Variants in TTC7A observed in about 807,000 individuals in gnomAD.
The protein encoded by TTC7A is tetratricopeptide repeat protein 7A.
TTC7A carries 110 observed loss-of-function variants against 103.7 expected under a neutral mutation model. That is an observed-to-expected ratio of 1.06 (90% CI 0.91 to 1.24). TTC7A has a LOEUF of 1.24. Ranked by LOEUF, TTC7A falls within the 50% of genes most tolerant of loss-of-function variation. TTC7A has a pLI of 0.00. For synonymous variants in TTC7A, 521 were observed against 467.9 expected (o/e 1.11, Z -1.47); for missense variants, 1,340 against 1,116.3 (o/e 1.20, Z -2.86).
At position 46,941,591 on chromosome 2, in the gene TTC7A, T is replaced by C. The variant is rs1460831020; in HGVS notation, c.50T>C (p.Leu17Pro). The C allele has an allele frequency of 1.9e-6, 3 of 1,557,240 alleles. No homozygotes were observed. The highest frequency in any genetic ancestry group is 2.7e-5 in the African/African-American group (2 of 73,382). ...TCCTACCTGAAGGTGGAGAGCGAGC[T>C]GGAGCGCTGCCGCGCCGAGGGCCAC... ...HGSYLKVESE[L>P]ERCRAEGHWD... Residue 17 changes from leucine to proline, a missense_variant, in exon 1 of 20, where the codon CTG becomes CCG. Transcript: ENST00000319190. This position sits in a 1 kb window ranked among gnomAD's most constrained non-coding sequence, Gnocchi z 4.2.
chr2:46,972,710 G>A (rs1266719321), intron 3 of TTC7A, among the ~76,000 whole-genome samples: 1 of 152,254 alleles, frequency 6.6e-6, no homozygotes, highest in Admixed American at 6.5e-5. Context: ...AGAGACCTGA[G>A]CATGGGTAAC....
chr2:46,993,641 G>C, intron 6 of TTC7A, 113 bp downstream of exon 6: 6 of 942,426 alleles, frequency 6.4e-6, no homozygotes, highest in Non-Finnish European at 1.0e-5. Flanking sequence ...TCTCCTGCCT[G>C]CTTGTGGCAG....
chr2:46,956,927 G>A lies in TTC7A; in HGVS notation c.437G>A (p.Arg146Gln), dbSNP rs61746139. ...SYRDAISMYA[R>Q]AGIDDMSMEN... is the part of the protein sequence containing the mutation. ...CGAGATGCCATCAGCATGTACGCAC[G>A]GGCCGGGATTGATGACATGTCCATG... Residue 146 changes from arginine (R) to glutamine (Q), a missense_variant, in exon 3 of 20, where the codon CGG becomes CAG. Coordinates refer to ENST00000319190, the MANE Select transcript of TTC7A (RefSeq NM_020458.4). 4.6e-4 allele frequency: 742 copies of A among 1,614,206 alleles called. 9 individuals are homozygous for A. The East Asian group carries it at 0.012, about 26-fold the overall frequency.
At chr2:46,960,254 G>A (rs2241736) in intron 3 of TTC7A, among the ~76,000 whole-genome samples, 39,693 of 152,160 alleles carry the variant, frequency 0.26, 6,151 homozygotes, top group East Asian at 0.47. Flanking sequence ...ATATTGACCT[G>A]TTGCTCAGTA....
rs931772453 is a variant in TTC7A, at chr2:47,075,249, C to T, written c.*1326C>T. The T allele has an allele frequency of 2.6e-5, 4 of 152,162 alleles. No individual in the cohort carries two copies. Among genetic ancestry groups the T allele is most frequent in the African/African-American group, 9.7e-5 (4 of 41,440 alleles). 9.4% of individuals were successfully genotyped at this position (152,162 alleles called of 1,614,324 possible). On this transcript the variant is annotated 3_prime_UTR_variant, in exon 20 of 20. Transcript: ENST00000319190. ...AGGGGCACCACAGAGGACCCTGGAT[C>T]CTTTGCCTCTTCTTGGTTGAAGGAT...
At chr2:46,940,185 G>C (rs1204984763), upstream of TTC7A, among the ~76,000 whole-genome samples, 3 of 152,066 alleles carry the variant, frequency 2.0e-5, no homozygotes, top group Non-Finnish European at 2.9e-5. The surrounding 1 kb of genome is among the most constrained non-coding windows in gnomAD (Gnocchi z 4.7). Flanking sequence ...GGTTACAGTT[G>C]TCCAAAAACA....
chr2:47,026,302 C>T (rs1035853100), intron 14 of TTC7A, among the ~76,000 whole-genome samples: 14 of 152,228 alleles, frequency 9.2e-5, no homozygotes, highest in African/African-American at 3.1e-4. Flanking sequence ...GTCACCAGCA[C>T]AGGAGCAGCC....
At position 47,073,500 on chromosome 2, in the gene TTC7A, G is replaced by A. The variant is rs78575079; in HGVS notation, c.2356-202G>A. On this transcript the variant is annotated intron_variant, in intron 19 of 19. Transcript: ENST00000319190. ...CCTGCAGTGGGTTTCCCAGGAGGCT[G>A]GGGTTAAAGCAGGGCTTGGGCAGGG... 0.013 allele frequency among the ~76,000 whole-genome samples: 2,022 copies of A among 152,260 alleles called. 184 individuals are homozygous for A. The East Asian group carries it at 0.25, about 19-fold the overall frequency.
At chr2:46,966,625 A>G (rs1672873044) in intron 3 of TTC7A, among the ~76,000 whole-genome samples, 1 of 150,520 alleles carries the variant, frequency 6.6e-6, no homozygotes, top group South Asian at 2.1e-4. Flanking sequence ...TAATACTGAA[A>G]TGGATATCCT....
chr2:46,968,936 T>G (rs1392392496), intron 3 of TTC7A, among the ~76,000 whole-genome samples: 76 of 14,452 alleles, frequency 5.3e-3, no homozygotes, highest in Middle Eastern at 0.1. Context: ...GTTTTTGTGT[T>G]TTTTTTTTTT....
At chr2:46,931,332 C>A (rs564624838) in intron 2 of TTC7A, among the ~76,000 whole-genome samples, 1 of 152,254 alleles carries the variant, frequency 6.6e-6, no homozygotes, top group Non-Finnish European at 1.5e-5. Context: ...GCAATCCTCT[C>A]GCCTCAGCTT....
At chr2:47,000,138 A>T (rs72806571) in intron 8 of TTC7A, among the ~76,000 whole-genome samples, 1 of 152,140 alleles carries the variant, frequency 6.6e-6, no homozygotes. Flanking sequence ...TGGTTGTTCA[A>T]TATGTCCTGA....
chr2:47,004,241 C>G (rs1677142544), intron 8 of TTC7A, among the ~76,000 whole-genome samples: 1 of 152,250 alleles, frequency 6.6e-6, no homozygotes, highest in African/African-American at 2.4e-5. Context: ...GGCCACCAGT[C>G]TCTCAGTGAC....
chr2:46,922,856 G>A (rs147995703), intron 2 of TTC7A, among the ~76,000 whole-genome samples: 2 of 152,244 alleles, frequency 1.3e-5, no homozygotes, highest in East Asian at 1.9e-4. Context: ...CTCAGAAACC[G>A]CAGGTTGAGG....
At chr2:47,071,501 A>G (rs1041529324) in intron 19 of TTC7A, among the ~76,000 whole-genome samples, 26 of 152,296 alleles carry the variant, frequency 1.7e-4, no homozygotes, top group African/African-American at 6.0e-4. Flanking sequence ...TGATTTTTCA[A>G]GTTGATCATT....
rs1685109041 is a variant in TTC7A, at chr2:47,075,055, A to T, written c.*1132A>T. 1 of 152,200 alleles carries T rather than the reference A, an allele frequency of 6.6e-6. No individual in the cohort carries two copies. The highest frequency in any genetic ancestry group is 6.5e-5 in the Admixed American group (1 of 15,278). 9.4% of individuals were successfully genotyped at this position (152,200 alleles called of 1,614,324 possible). A position where few individuals can be genotyped will look rare whatever the true frequency, so the allele number is the denominator to read the frequency against. Reference sequence around the variant, plus strand: ...CATCAGGTACAGCTTGCATTTCAGGATGTGTGGAAAGCTCGGGTGAGGGCT... The same window carrying T: ...CATCAGGTACAGCTTGCATTTCAGGTTGTGTGGAAAGCTCGGGTGAGGGCT... On this transcript the variant is annotated 3_prime_UTR_variant, in exon 20 of 20. Coordinates refer to ENST00000319190, the MANE Select transcript of TTC7A (RefSeq NM_020458.4).
chr2:46,969,911 C>G (rs1328336408), intron 3 of TTC7A, among the ~76,000 whole-genome samples: 1 of 152,192 alleles, frequency 6.6e-6, no homozygotes, highest in African/African-American at 2.4e-5. Context: ...TTAGGAGATG[C>G]AGCCAGACTG....
intron 19 of TTC7A, among the ~76,000 whole-genome samples, chr2:47,064,406 G>A (rs973776636): frequency 6.6e-6 from 1 of 152,214 alleles, no homozygotes; most frequent in East Asian, 1.9e-4. Context: ...GAATTCACTG[G>A]CAGAAAATTC....
intron 15 of TTC7A, among the ~76,000 whole-genome samples, chr2:47,044,307 G>T (rs185631519): frequency 7.2e-5 from 11 of 152,280 alleles, no homozygotes; most frequent in Admixed American, 5.2e-4. Flanking sequence ...CATTTATAGC[G>T]CTCTAATTGT....
Sources: gnomAD v4.1 joint callset for allele counts (sites outside exome capture counted in the v4.1 genomes callset) on GRCh38, gnomAD v4.1.1 for gene constraint, Gnocchi (gnomAD v3.1) non-coding constraint, MANE v1.5 for transcripts, NCBI Gene and HGNC (gene_info 2026-07-23, HGNC 2026-07-21) for gene names.